The following NEGR1 variants were observed in gnomAD, a reference collection of about 807,000 sequenced individuals.
NEGR1 encodes the protein neuronal growth regulator 1, also known as IgLON family member 4.
NEGR1 carries 10 observed loss-of-function variants against 40.9 expected under a neutral mutation model. The ratio of observed to expected loss-of-function variants is 0.24; its 90% CI spans 0.15 to 0.42. The LOEUF is 0.42. Ranked by LOEUF, NEGR1 falls within the 10% of genes least tolerant of loss-of-function variation. The pLI is 1.00. For missense variants in NEGR1, 352 were observed against 438.9 expected (o/e 0.80, Z 1.77); for synonymous variants, 185 against 166.8 (o/e 1.11, Z -0.84).
intron 1 of NEGR1, among the ~76,000 whole-genome samples, chr1:72,221,575 T>C (rs547579277): frequency 6.6e-6 from 1 of 152,200 alleles, no homozygotes; most frequent in Admixed American, 6.5e-5. Flanking sequence ...TATTATCGGA[T>C]ATGAAGAAGT....
At chr1:71,613,284 A>C (rs1455121655) in intron 4 of NEGR1, among the ~76,000 whole-genome samples, 3 of 152,144 alleles carry the variant, frequency 2.0e-5, no homozygotes, top group African/African-American at 7.2e-5. Context: ...AGAGGAGTCA[A>C]GGGTGATTTA....
intron 2 of NEGR1, among the ~76,000 whole-genome samples, chr1:71,866,320 A>C (rs771991128): frequency 2.6e-5 from 4 of 152,174 alleles, no homozygotes; most frequent in Non-Finnish European, 4.4e-5. Context: ...GTTTCAGAGG[A>C]AGTATTGGAA....
At chr1:72,099,048 T>A (rs1210658438) in intron 1 of NEGR1, among the ~76,000 whole-genome samples, 1 of 151,932 alleles carries the variant, frequency 6.6e-6, no homozygotes, top group Non-Finnish European at 1.5e-5. Flanking sequence ...TCATTTAAAT[T>A]GTTATTAATT....
At chr1:71,857,626 CAAAAAAAAAAAAAAAA>C (rs59343025) in intron 2 of NEGR1, among the ~76,000 whole-genome samples, 3 of 53,440 alleles carry the variant, frequency 5.6e-5, no homozygotes, top group Non-Finnish European at 9.8e-5. Context: ...GATCCTGTCT[CAAAAAAAAAAAAAAAA>C]AAAAAAAAAA....
intron 2 of NEGR1, among the ~76,000 whole-genome samples, chr1:71,916,964 G>C (rs1328345714): frequency 6.6e-6 from 1 of 152,090 alleles, no homozygotes; most frequent in African/African-American, 2.4e-5. Context: ...ACTGACAACG[G>C]GAGTCTGGGA....
intron 1 of NEGR1, among the ~76,000 whole-genome samples, chr1:72,263,417 A>C (rs2100548083): frequency 6.6e-6 from 1 of 151,692 alleles, no homozygotes; most frequent in Admixed American, 6.6e-5. Context: ...ATGTAGATGG[A>C]TAAGCATTCC....
chr1:71,411,562 ATGT>A (rs1371328942), intron 6 of NEGR1, among the ~76,000 whole-genome samples: 1 of 152,196 alleles, frequency 6.6e-6, no homozygotes, highest in African/African-American at 2.4e-5. Flanking sequence ...AGTATAGGTC[ATGT>A]GATCAGAGAT....
At chr1:72,162,757 G>A (rs982520871) in intron 1 of NEGR1, among the ~76,000 whole-genome samples, 3 of 152,154 alleles carry the variant, frequency 2.0e-5, no homozygotes, top group African/African-American at 7.2e-5. Context: ...TATTGACTTG[G>A]ACATAAGAAC....
At chr1:72,116,812 A>G (rs1649598706) in intron 1 of NEGR1, among the ~76,000 whole-genome samples, 1 of 151,736 alleles carries the variant, frequency 6.6e-6, no homozygotes, top group African/African-American at 2.4e-5. Context: ...TTCTTTAGAA[A>G]CAATTTGCTA....
intron 1 of NEGR1, among the ~76,000 whole-genome samples, chr1:72,086,121 G>A (rs1265449199): frequency 1.3e-5 from 2 of 152,028 alleles, no homozygotes; most frequent in African/African-American, 4.8e-5. Context: ...CAAAAATAGT[G>A]TATGATTATC....
intron 1 of NEGR1, among the ~76,000 whole-genome samples, chr1:71,962,616 C>T (rs1369979958): frequency 3.3e-5 from 5 of 151,938 alleles, no homozygotes; most frequent in Admixed American, 3.3e-4. Context: ...TAAGACACAC[C>T]TATCTCTTAG....
chr1:71,700,610 G>C (rs1389295145), intron 3 of NEGR1, among the ~76,000 whole-genome samples: 1 of 151,878 alleles, frequency 6.6e-6, no homozygotes. Flanking sequence ...ACTTGTATTA[G>C]TATTTTATTG....
rs148149261 is a variant in NEGR1 at position 71,787,157 on chromosome 1, G to A, written c.410-10860C>T. Among the ~76,000 whole-genome samples the A allele has an allele frequency of 3.2e-3, 489 of 152,272 alleles. 2 individuals carry two copies. The highest frequency in any genetic ancestry group is 0.011 in the African/African-American group (474 of 41,556). Reference sequence around the variant, plus strand: ...AGTCTTCTGAGTAAAACAAATAATTGTAGTTGTTAAAAGCAACCACGTTTG... The same window carrying A: ...AGTCTTCTGAGTAAAACAAATAATTATAGTTGTTAAAAGCAACCACGTTTG... On this transcript the variant is annotated intron_variant, in intron 2 of 6. Transcript: ENST00000357731.
At chr1:71,848,437 G>A (rs898645214) in intron 2 of NEGR1, among the ~76,000 whole-genome samples, 1 of 152,138 alleles carries the variant, frequency 6.6e-6, no homozygotes, top group Non-Finnish European at 1.5e-5. Flanking sequence ...AATGCAGCTG[G>A]TGACTTTATG....
Position 71,407,491 on chromosome 1 carries a change from G to C in NEGR1, c.1020C>G (p.Ser340=). 6.2e-7 allele frequency: 1 copy of C among 1,611,908 alleles called. No homozygotes were observed. Among genetic ancestry groups the C allele is most frequent in the African/African-American group, 1.3e-5 (1 of 74,928 alleles). The stretch of plus-strand genomic sequence containing the variant: ...TCAGGTAGAATATGCTGGTGAAAGA[G>C]GACAGTGTCAACACAAGGTACCAGC... ...FSCWYLVLTL[S]SFTSIFYLKN... Residue 340 remains serine (S), a synonymous_variant, in exon 7 of 7, where the codon TCC becomes TCG. Coordinates refer to ENST00000357731, the MANE Select transcript of NEGR1 (RefSeq NM_173808.3).
At chr1:72,274,249 C>T (rs1178066103) in intron 1 of NEGR1, among the ~76,000 whole-genome samples, 1 of 152,018 alleles carries the variant, frequency 6.6e-6, no homozygotes, top group African/African-American at 2.4e-5. Context: ...AAATGACTCC[C>T]TATTGTCTGG....
intron 3 of NEGR1, among the ~76,000 whole-genome samples, chr1:71,723,505 TA>T (rs1006657937): frequency 6.6e-6 from 1 of 152,056 alleles, no homozygotes; most frequent in African/African-American, 2.4e-5. Context: ...GCCTGTGTAA[TA>T]AAACATTCAT....
chr1:71,884,927 G>A (rs1660684472), intron 2 of NEGR1, among the ~76,000 whole-genome samples: 1 of 152,098 alleles, frequency 6.6e-6, no homozygotes, highest in African/African-American at 2.4e-5. Context: ...AATAATTTCT[G>A]AGGGTTCCAC....
chr1:71,732,909 G>A (rs556151778), intron 3 of NEGR1, among the ~76,000 whole-genome samples: 24 of 152,066 alleles, frequency 1.6e-4, no homozygotes, highest in African/African-American at 5.3e-4. Flanking sequence ...AATGTTTTTC[G>A]ATTTTCAAAT....
Sources: allele counts gnomAD v4.1 joint callset (sites outside exome capture counted in the v4.1 genomes callset), GRCh38; gene constraint gnomAD v4.1.1; transcripts MANE v1.5; gene names NCBI Gene and HGNC (gene_info 2026-07-23, HGNC 2026-07-21).